PTPRM: variants seen among roughly 807,000 people sequenced by gnomAD.
PTPRM encodes the protein receptor-type tyrosine-protein phosphatase mu.
Under a neutral mutation model 186.7 loss-of-function variants are expected in PTPRM, and 47 were observed. The ratio of observed to expected loss-of-function variants is 0.25; its 90% CI spans 0.20 to 0.32. The LOEUF (loss-of-function observed/expected upper bound fraction) is 0.32. Ranked by LOEUF, PTPRM falls within the 10% of genes least tolerant of loss-of-function variation. The pLI is 1.00. For missense variants in PTPRM, 1,494 were observed against 1,865.0 expected (o/e 0.80, Z 3.66); for synonymous variants, 668 against 674.9 (o/e 0.99, Z 0.16).
intron 7 of PTPRM, among the ~76,000 whole-genome samples, chr18:7,977,954 TCCTCTAA>T: frequency 6.6e-6 from 1 of 152,324 alleles, no homozygotes; most frequent in South Asian, 2.1e-4. Flanking sequence ...CTTCATAATT[TCCTCTAA>T]CTCAAATCTT....
At chr18:7,888,935 A>G (rs1045786220) in intron 3 of PTPRM, among the ~76,000 whole-genome samples, 1 of 152,188 alleles carries the variant, frequency 6.6e-6, no homozygotes. Flanking sequence ...CATGGACATA[A>G]AGATGGGAAT....
At chr18:7,922,900 A>G (rs1206896939) in intron 4 of PTPRM, among the ~76,000 whole-genome samples, 1 of 152,188 alleles carries the variant, frequency 6.6e-6, no homozygotes, top group African/African-American at 2.4e-5. Context: ...AAACTTGTTT[A>G]TGTATGATAT....
At chr18:7,775,258 C>G (rs2042524300) in intron 2 of PTPRM, among the ~76,000 whole-genome samples, 5 of 152,186 alleles carry the variant, frequency 3.3e-5, no homozygotes, top group Admixed American at 3.3e-4. Flanking sequence ...GCATTGAGCT[C>G]TTTATCACTG....
At chr18:7,921,205 A>C (rs2050840325) in intron 4 of PTPRM, among the ~76,000 whole-genome samples, 1 of 152,100 alleles carries the variant, frequency 6.6e-6, no homozygotes, top group Non-Finnish European at 1.5e-5. Context: ...CCTCTTGAGC[A>C]CCAATAATTC....
chr18:8,283,823 A>G (rs1031144012), intron 19 of PTPRM, among the ~76,000 whole-genome samples: 4 of 150,976 alleles, frequency 2.6e-5, no homozygotes, highest in African/African-American at 7.3e-5. Context: ...GGGTCTCGCT[A>G]TGTTGCCCAG....
intron 21 of PTPRM, among the ~76,000 whole-genome samples, chr18:8,315,476 A>G (rs188835550): frequency 1.1e-4 from 17 of 152,328 alleles, no homozygotes; most frequent in Admixed American, 4.6e-4. Context: ...TTTACATTAG[A>G]ATAAATTCTT....
chr18:8,253,518 C>T (rs1271814414), intron 19 of PTPRM, 104 bp downstream of exon 19: 4 of 1,063,520 alleles, frequency 3.8e-6, no homozygotes, highest in Non-Finnish European at 3.7e-6. Context: ...CCCCCTGCCC[C>T]GAGAGATGCC....
intron 13 of PTPRM, among the ~76,000 whole-genome samples, chr18:8,128,893 C>T (rs2092436569): frequency 6.6e-6 from 1 of 152,044 alleles, no homozygotes; most frequent in Non-Finnish European, 1.5e-5. Flanking sequence ...TCTTTTCTAT[C>T]AGCAGTGTGA....
chr18:7,943,829 T>C (rs1161729389), intron 5 of PTPRM, among the ~76,000 whole-genome samples: 2 of 152,154 alleles, frequency 1.3e-5, no homozygotes, highest in Admixed American at 6.5e-5. Flanking sequence ...ACCCAGATAA[T>C]CCAGTCTATC....
At chr18:8,234,447 C>A (rs1370574176) in intron 14 of PTPRM, among the ~76,000 whole-genome samples, 4 of 152,130 alleles carry the variant, frequency 2.6e-5, no homozygotes, top group African/African-American at 9.7e-5. Flanking sequence ...TGCAACCTTG[C>A]TACATTTGCT....
intron 1 of PTPRM, among the ~76,000 whole-genome samples, chr18:7,740,819 G>A (rs1026032840): frequency 6.6e-6 from 1 of 152,208 alleles, no homozygotes; most frequent in Non-Finnish European, 1.5e-5. Flanking sequence ...ATTGATTAGT[G>A]ATATGGCTAT....
At chr18:8,104,420 T>A (rs2091429157) in intron 11 of PTPRM, among the ~76,000 whole-genome samples, 1 of 152,186 alleles carries the variant, frequency 6.6e-6, no homozygotes, top group Admixed American at 6.5e-5. Flanking sequence ...ATTTTTAAGC[T>A]GAAACATTTT....
intron 3 of PTPRM, among the ~76,000 whole-genome samples, chr18:7,890,185 G>T (rs2048999282): frequency 6.6e-6 from 1 of 152,158 alleles, no homozygotes. Context: ...GCAATATTTT[G>T]CTTTTCTCTT....
chr18:8,136,881 A>T (rs2092651456), intron 13 of PTPRM, among the ~76,000 whole-genome samples: 1 of 152,190 alleles, frequency 6.6e-6, no homozygotes, highest in Non-Finnish European at 1.5e-5. Context: ...TAAAACAAGG[A>T]TGTTGCTGTT....
At chr18:7,992,509 C>T (rs1321186333) in intron 7 of PTPRM, among the ~76,000 whole-genome samples, 1 of 152,096 alleles carries the variant, frequency 6.6e-6, no homozygotes, top group Non-Finnish European at 1.5e-5. Context: ...TCATCATCAT[C>T]AGTAAACACA....
chr18:7,818,447 G>A (rs988479360), intron 2 of PTPRM, among the ~76,000 whole-genome samples: 2 of 152,110 alleles, frequency 1.3e-5, no homozygotes, highest in African/African-American at 2.4e-5. Flanking sequence ...CCTAGCTCCT[G>A]CAACACTCAC....
At chr18:8,260,949 G>A (rs1215711706) in intron 19 of PTPRM, among the ~76,000 whole-genome samples, 1 of 152,158 alleles carries the variant, frequency 6.6e-6, no homozygotes, top group South Asian at 2.1e-4. Flanking sequence ...CAGCCCCTTC[G>A]CTGGCTTTTG....
At chr18:8,216,423 C>T (rs1191599884) in intron 14 of PTPRM, among the ~76,000 whole-genome samples, 1 of 152,218 alleles carries the variant, frequency 6.6e-6, no homozygotes, top group East Asian at 1.9e-4. Context: ...GTCATATCTA[C>T]ATATAACAGT....
chr18:8,199,945 GA>G (rs967036024), intron 14 of PTPRM, among the ~76,000 whole-genome samples: 13 of 148,864 alleles, frequency 8.7e-5, no homozygotes, highest in African/African-American at 1.7e-4. Context: ...ATTCCAAACA[GA>G]AAAAAAAAAT....
Sources: gnomAD v4.1 joint callset for allele counts (sites outside exome capture counted in the v4.1 genomes callset) on GRCh38, gnomAD v4.1.1 for gene constraint, MANE v1.5 for transcripts, NCBI Gene and HGNC (gene_info 2026-07-23, HGNC 2026-07-21) for gene names.